The following CELF5 variants were observed in gnomAD, a reference collection of about 807,000 sequenced individuals.
CELF5 encodes CUGBP Elav-like family member 5, also known as CUG-BP and ETR-3 like factor 5.
A neutral mutation model predicts 54.9 loss-of-function variants in CELF5; 6 were observed. The observed-to-expected ratio is 0.11, with a 90% CI of 0.06 to 0.22. CELF5 has a LOEUF of 0.22. CELF5 is among the 10% of genes least tolerant of loss of function. The pLI is 1.00. For missense variants in CELF5, 401 were observed against 678.6 expected (o/e 0.59, Z 4.54); for synonymous variants, 271 against 290.9 (o/e 0.93, Z 0.70).
chr19:3,270,181 C>G (rs2079937513), intron 2 of CELF5, among the ~76,000 whole-genome samples: 1 of 152,146 alleles, frequency 6.6e-6, no homozygotes, highest in African/African-American at 2.4e-5. Context: ...CTCTGTCTCC[C>G]GCTCCGCCAG....
intron 1 of CELF5, among the ~76,000 whole-genome samples, chr19:3,231,481 GATGGATGGATGGGTGGATGAATGGATTT>G (rs879551594): frequency 4.6e-4 from 69 of 148,672 alleles, no homozygotes; most frequent in Non-Finnish European, 9.0e-4. Context: ...TGGATGGATG[GATGGATGGATGGGTGGATGAATGGATTT>G]ATGGATGGAT....
In CELF5 at chr19:3,236,781, T is replaced by C. The variant is rs988866460; in HGVS notation, c.259+11783T>C. ...GGGTGATCACCTGAGGCCAGGAGTT[T>C]GAGACCAGCCTGGCCAACATGGTGA... On this transcript the variant is annotated intron_variant, in intron 1 of 12. Coordinates refer to ENST00000292672, the MANE Select transcript of CELF5 (RefSeq NM_021938.4). Among the ~76,000 whole-genome samples the C allele has an allele frequency of 4.0e-5, 6 of 148,642 alleles. No homozygotes were observed. In the South Asian group the frequency reaches 1.3e-3, roughly 32 times the overall value.
At chr19:3,269,756 T>C (rs920200480) in intron 2 of CELF5, among the ~76,000 whole-genome samples, 17 of 152,100 alleles carry the variant, frequency 1.1e-4, no homozygotes, top group Non-Finnish European at 1.0e-4. Context: ...AGGACACCTC[T>C]CCCTTCCCCC....
intron 9 of CELF5, among the ~76,000 whole-genome samples, chr19:3,285,674 CCCTTCCCCG>C (rs2080232208): frequency 7.6e-6 from 1 of 131,758 alleles, no homozygotes; most frequent in Non-Finnish European, 1.7e-5. Context: ...CCCCCACCCC[CCCTTCCCCG>C]CCCCGTCTCG....
chr19:3,250,413 C>T (rs2079632708), intron 1 of CELF5, among the ~76,000 whole-genome samples: 1 of 152,110 alleles, frequency 6.6e-6, no homozygotes, highest in Non-Finnish European at 1.5e-5. Context: ...GACGTGAACC[C>T]GGGAGGCAGA....
At chr19:3,263,614 A>G (rs535041455) in intron 2 of CELF5, among the ~76,000 whole-genome samples, 1 of 151,644 alleles carries the variant, frequency 6.6e-6, no homozygotes, top group East Asian at 2.0e-4. Flanking sequence ...ATTTAAAAGT[A>G]CTACACACGG....
intron 1 of CELF5, among the ~76,000 whole-genome samples, chr19:3,239,307 C>T (rs2079458705): frequency 6.6e-6 from 1 of 151,578 alleles, no homozygotes; most frequent in Non-Finnish European, 1.5e-5. Flanking sequence ...ACTACATTGC[C>T]CAGGCTGGTG....
chr19:3,284,853 G>T (rs1448701569), intron 8 of CELF5, 49 bp from the exon 9 acceptor site: 1 of 1,555,528 alleles, frequency 6.4e-7, no homozygotes, highest in Non-Finnish European at 8.9e-7. Context: ...GGGGTGGATG[G>T]AAGACTTCTG....
At chr19:3,231,975 G>T (rs962663343) in intron 1 of CELF5, among the ~76,000 whole-genome samples, 1 of 151,382 alleles carries the variant, frequency 6.6e-6, no homozygotes, top group Non-Finnish European at 1.5e-5. Context: ...TAGATAGATG[G>T]GTGGGTGCAT....
At chr19:3,279,714 T>C (rs534383106) in intron 5 of CELF5, among the ~76,000 whole-genome samples, 6 of 152,034 alleles carry the variant, frequency 3.9e-5, no homozygotes, top group Non-Finnish European at 7.4e-5. Flanking sequence ...CTCTCTTTTA[T>C]TTTTTTGAGA....
intron 9 of CELF5, 34 bp downstream of exon 9, chr19:3,284,998 T>TGGACCCGCCCCCGCCCAG: frequency 6.6e-7 from 1 of 1,504,254 alleles, no homozygotes; most frequent in Non-Finnish European, 9.1e-7. Context: ...CGCTGGGCCC[T>TGGACCCGCCCCCGCCCAG]GGCCCCGCCC....
intron 2 of CELF5, among the ~76,000 whole-genome samples, chr19:3,256,532 C>CA (rs2079728547): frequency 7.8e-6 from 1 of 128,740 alleles, no homozygotes; most frequent in Non-Finnish European, 1.6e-5. Flanking sequence ...ACGGAGGTTT[C>CA]ATTTATTATT....
At chr19:3,273,736 TGTTA>T (rs1402263328) in intron 2 of CELF5, 132 bp from the exon 3 acceptor site, 3 of 656,288 alleles carry the variant, frequency 4.6e-6, no homozygotes. Flanking sequence ...TTGACTGGGG[TGTTA>T]GTTGGGTGGT....
chr19:3,262,847 G>C (rs2079824085), intron 2 of CELF5, among the ~76,000 whole-genome samples: 4 of 152,110 alleles, frequency 2.6e-5, no homozygotes, highest in Admixed American at 2.6e-4. Flanking sequence ...GCTGAGACAG[G>C]AGAATCACTT....
At chr19:3,252,328 C>T (rs977610131) in intron 2 of CELF5, among the ~76,000 whole-genome samples, 1 of 152,218 alleles carries the variant, frequency 6.6e-6, no homozygotes, top group African/African-American at 2.4e-5. Flanking sequence ...AGCCAGCACA[C>T]CCAGCCTGAT....
chr19:3,242,613 T>G (rs1278503201), intron 1 of CELF5, among the ~76,000 whole-genome samples: 2 of 152,098 alleles, frequency 1.3e-5, no homozygotes, highest in East Asian at 3.9e-4. Flanking sequence ...AAGATCAGCC[T>G]GGCCGAGATG....
intron 8 of CELF5, among the ~76,000 whole-genome samples, chr19:3,283,843 G>A (rs560301153): frequency 1.3e-5 from 2 of 151,358 alleles, no homozygotes; most frequent in East Asian, 3.9e-4. Flanking sequence ...TTTATTTAGC[G>A]ACAGAGTCTC....
intron 11 of CELF5, 132 bp downstream of exon 11, chr19:3,290,506 C>A: frequency 1.1e-6 from 1 of 939,458 alleles, no homozygotes; most frequent in Non-Finnish European, 1.6e-6. Context: ...AGCCTGTGGC[C>A]GGGCACAGTG....
At chr19:3,250,953 TC>T in intron 1 of CELF5, 31 bp from the exon 2 acceptor site, 2 of 1,552,966 alleles carry the variant, frequency 1.3e-6, no homozygotes. Flanking sequence ...GTGCCCGTGC[TC>T]TCTTAACACC....
Sources: allele counts gnomAD v4.1 joint callset (sites outside exome capture counted in the v4.1 genomes callset), GRCh38; gene constraint gnomAD v4.1.1; transcripts MANE v1.5; gene names NCBI Gene and HGNC (gene_info 2026-07-23, HGNC 2026-07-21).